Variants in FARS2 observed in about 807,000 individuals in gnomAD.
FARS2 encodes phenylalanyl-tRNA synthetase 2, mitochondrial.
A neutral mutation model predicts 46.4 loss-of-function variants in FARS2; 40 were observed. The ratio of observed to expected loss-of-function variants is 0.86; its 90% CI spans 0.67 to 1.12. FARS2 has a LOEUF of 1.12. Among genes scored for constraint, FARS2 ranks in the 50% most tolerant of loss-of-function variants. FARS2 has a pLI of 0.00. For missense variants in FARS2, 513 were observed against 567.9 expected (o/e 0.90, Z 0.98); for synonymous variants, 234 against 214.9 (o/e 1.09, Z -0.78).
intron 4 of FARS2, among the ~76,000 whole-genome samples, chr6:5,441,702 T>A (rs1763852415): frequency 6.6e-6 from 1 of 152,242 alleles, no homozygotes; most frequent in Non-Finnish European, 1.5e-5. Context: ...CAAATGCTAC[T>A]GCTGAACATT....
chr6:5,590,383 C>T, intron 5 of FARS2, among the ~76,000 whole-genome samples: 1 of 152,222 alleles, frequency 6.6e-6, no homozygotes, highest in East Asian at 1.9e-4. Context: ...CTCAGGCACC[C>T]AGCCAGCCCG....
At chr6:5,475,755 G>A (rs982753658) in intron 4 of FARS2, among the ~76,000 whole-genome samples, 7 of 152,080 alleles carry the variant, frequency 4.6e-5, no homozygotes, top group Admixed American at 3.3e-4. Context: ...CATGGATGCC[G>A]CCTTCTCATT....
upstream of FARS2, among the ~76,000 whole-genome samples, chr6:5,257,552 C>T (rs1219831885): frequency 6.6e-6 from 1 of 152,182 alleles, no homozygotes; most frequent in Admixed American, 6.5e-5. Flanking sequence ...AGTACTGGTC[C>T]GTGGCCTGTT....
intron 6 of FARS2, among the ~76,000 whole-genome samples, chr6:5,733,777 A>G (rs150943674): frequency 1.1e-4 from 16 of 152,274 alleles, no homozygotes; most frequent in Admixed American, 7.2e-4. Flanking sequence ...CCCACTGACC[A>G]TGGAGGACAC....
intron 4 of FARS2, among the ~76,000 whole-genome samples, chr6:5,538,063 C>T (rs1242922947): frequency 6.6e-6 from 1 of 150,666 alleles, no homozygotes; most frequent in African/African-American, 2.4e-5. Context: ...CCTGCATATT[C>T]TGTCTAATTG....
At chr6:5,497,551 TA>T (rs779288859) in intron 4 of FARS2, among the ~76,000 whole-genome samples, 1 of 152,164 alleles carries the variant, frequency 6.6e-6, no homozygotes, top group Non-Finnish European at 1.5e-5. Flanking sequence ...ATAATAGAAA[TA>T]AAAATGTTTC....
chr6:5,288,056 A>G (rs909289585), intron 1 of FARS2, among the ~76,000 whole-genome samples: 3 of 151,870 alleles, frequency 2.0e-5, no homozygotes, highest in South Asian at 4.1e-4. Context: ...AGCCCTCCTC[A>G]TATTTATCCA....
chr6:5,526,715 C>A (rs538119921), intron 4 of FARS2, among the ~76,000 whole-genome samples: 140 of 152,170 alleles, frequency 9.2e-4, no homozygotes, highest in South Asian at 3.5e-3. Flanking sequence ...CTCCTAGGTT[C>A]AAGCAATTAT....
intron 5 of FARS2, among the ~76,000 whole-genome samples, chr6:5,577,634 A>G (rs1308390570): frequency 1.3e-5 from 2 of 152,056 alleles, no homozygotes; most frequent in East Asian, 3.8e-4. Context: ...AATTACATTC[A>G]TTTTCTTCTT....
chr6:5,634,134 T>C (rs531665165), intron 6 of FARS2, among the ~76,000 whole-genome samples: 1 of 150,452 alleles, frequency 6.6e-6, no homozygotes, highest in Admixed American at 6.6e-5. Flanking sequence ...TTATTAAACA[T>C]TTTTTTCTAG....
At chr6:5,310,595 G>GA (rs560360493) in intron 1 of FARS2, among the ~76,000 whole-genome samples, 21 of 151,822 alleles carry the variant, frequency 1.4e-4, no homozygotes, top group African/African-American at 5.1e-4. Context: ...GGTAGTTTAA[G>GA]AAAAAAAATA....
At chr6:5,434,931 G>A (rs1168187341) in intron 4 of FARS2, among the ~76,000 whole-genome samples, 1 of 152,216 alleles carries the variant, frequency 6.6e-6, no homozygotes, top group African/African-American at 2.4e-5. Flanking sequence ...ATGGAGCAAT[G>A]ATAGTGGCAG....
chr6:5,637,899 C>T (rs1003248712), intron 6 of FARS2, among the ~76,000 whole-genome samples: 1 of 152,186 alleles, frequency 6.6e-6, no homozygotes, highest in Admixed American at 6.5e-5. Flanking sequence ...TTTAGATACC[C>T]TATCTGTCTC....
intron 1 of FARS2, among the ~76,000 whole-genome samples, chr6:5,319,259 T>C (rs1051361003): frequency 2.0e-5 from 3 of 152,148 alleles, no homozygotes; most frequent in African/African-American, 7.2e-5. Context: ...GAGGAGCAGC[T>C]TCCTGATGGG....
At chr6:5,677,860 G>A (rs1447386208) in intron 6 of FARS2, among the ~76,000 whole-genome samples, 4 of 152,202 alleles carry the variant, frequency 2.6e-5, no homozygotes. Context: ...CACCAAGGAG[G>A]AGTGCAGTAA....
intron 1 of FARS2, among the ~76,000 whole-genome samples, chr6:5,262,751 C>T (rs1235907012): frequency 6.6e-6 from 1 of 152,162 alleles, no homozygotes; most frequent in African/African-American, 2.4e-5. Context: ...CTTTAAGTCT[C>T]CTCCCTGATT....
intron 3 of FARS2, among the ~76,000 whole-genome samples, chr6:5,405,487 T>C: frequency 7.8e-6 from 1 of 127,766 alleles, no homozygotes; most frequent in Admixed American, 7.8e-5. Context: ...GTTCTTTTTT[T>C]TTTTTTTTTT....
chr6:5,285,351 A>G (rs917476096), intron 1 of FARS2, among the ~76,000 whole-genome samples: 8 of 152,268 alleles, frequency 5.3e-5, no homozygotes, highest in African/African-American at 1.2e-4. Flanking sequence ...TGATGGGGGA[A>G]CACCAGCTGC....
intron 4 of FARS2, among the ~76,000 whole-genome samples, chr6:5,495,574 A>G (rs773945444): frequency 7.2e-5 from 11 of 152,186 alleles, no homozygotes; most frequent in Non-Finnish European, 1.5e-4. Flanking sequence ...GAAGCTTGCA[A>G]CTCAGGCTAA....
Sources: gnomAD v4.1 joint callset for allele counts (sites outside exome capture counted in the v4.1 genomes callset) on GRCh38, gnomAD v4.1.1 for gene constraint, MANE v1.5 for transcripts, NCBI Gene and HGNC (gene_info 2026-07-23, HGNC 2026-07-21) for gene names.